CAB39L: variants seen among roughly 807,000 people sequenced by gnomAD.
CAB39L encodes calcium-binding protein 39-like.
Under a neutral mutation model 39.1 loss-of-function variants are expected in CAB39L, and 23 were observed. The ratio of observed to expected loss-of-function variants is 0.59; its 90% CI spans 0.42 to 0.83. CAB39L has a LOEUF of 0.83. Among genes scored for constraint, CAB39L ranks in the 40% least tolerant of loss-of-function variants. The pLI is 0.00. For missense variants in CAB39L, 366 were observed against 391.9 expected (o/e 0.93, Z 0.56); for synonymous variants, 126 against 137.2 (o/e 0.92, Z 0.57).
intron 5 of CAB39L, among the ~76,000 whole-genome samples, chr13:49,363,030 T>G (rs1356847184): frequency 6.6e-6 from 1 of 152,174 alleles, no homozygotes; most frequent in African/African-American, 2.4e-5. Flanking sequence ...AATTAAAGAC[T>G]TTCCCAGACA....
chr13:49,349,276 T>C (rs1242876491), intron 7 of CAB39L, among the ~76,000 whole-genome samples: 2 of 151,994 alleles, frequency 1.3e-5, no homozygotes, highest in African/African-American at 4.8e-5. Flanking sequence ...TCGATATTAT[T>C]GAAATACATA....
chr13:49,411,670 G>A (rs1172691068), intron 3 of CAB39L, among the ~76,000 whole-genome samples: 2 of 152,088 alleles, frequency 1.3e-5, no homozygotes, highest in Non-Finnish European at 2.9e-5. Flanking sequence ...TTTTAAAAGT[G>A]TTGCATGGTT....
chr13:49,440,974 G>C (rs1050294610), intron 1 of CAB39L, among the ~76,000 whole-genome samples: 4 of 151,862 alleles, frequency 2.6e-5, no homozygotes, highest in African/African-American at 9.7e-5. Context: ...CTATGTGGAT[G>C]CCTTTTGTTT....
intron 5 of CAB39L, among the ~76,000 whole-genome samples, chr13:49,372,542 T>C (rs2138549227): frequency 6.6e-6 from 1 of 152,312 alleles, no homozygotes; most frequent in East Asian, 1.9e-4. Context: ...TCCAAACCCC[T>C]GCTCCCAGCG....
At chr13:49,370,780 T>G (rs1955897448) in intron 5 of CAB39L, among the ~76,000 whole-genome samples, 1 of 152,216 alleles carries the variant, frequency 6.6e-6, no homozygotes, top group Non-Finnish European at 1.5e-5. Context: ...ATTAACAGGT[T>G]TCACATCTAA....
intron 5 of CAB39L, among the ~76,000 whole-genome samples, chr13:49,369,508 A>G (rs2138536934): frequency 6.6e-6 from 1 of 152,346 alleles, no homozygotes; most frequent in African/African-American, 2.4e-5. Flanking sequence ...TGCAATGGTG[A>G]AAATATAAGG....
intron 3 of CAB39L, chr13:49,413,121 AAAACAAAAC>A (rs1957024397): frequency 6.6e-6 from 1 of 152,240 alleles, no homozygotes; most frequent in African/African-American, 2.4e-5. Flanking sequence ...AAAACAAAAC[AAAACAAAAC>A]AAAAAACCTT....
At chr13:49,400,258 A>T (rs184369600) in intron 3 of CAB39L, among the ~76,000 whole-genome samples, 267 of 152,208 alleles carry the variant, frequency 1.8e-3, no homozygotes, top group African/African-American at 6.2e-3. Flanking sequence ...TTTCACAGTT[A>T]ACAACATACA....
chr13:49,436,335 G>T (rs1387115803), intron 1 of CAB39L, among the ~76,000 whole-genome samples: 1 of 152,084 alleles, frequency 6.6e-6, no homozygotes, highest in African/African-American at 2.4e-5. Context: ...TGTTTTCATG[G>T]ATTGAAACTT....
At chr13:49,407,808 G>A (rs1956911836) in intron 3 of CAB39L, among the ~76,000 whole-genome samples, 1 of 144,622 alleles carries the variant, frequency 6.9e-6, no homozygotes, top group South Asian at 2.1e-4. Context: ...CAGGTGGATT[G>A]CTTGAGCCCA....
At chr13:49,428,516 C>T (rs1334624531) in intron 3 of CAB39L, among the ~76,000 whole-genome samples, 1 of 152,124 alleles carries the variant, frequency 6.6e-6, no homozygotes, top group Non-Finnish European at 1.5e-5. Context: ...GCGCAAATAC[C>T]AGCAGGTGGT....
chr13:49,312,389 A>G (rs945102504), intron 10 of CAB39L, among the ~76,000 whole-genome samples: 3 of 152,142 alleles, frequency 2.0e-5, no homozygotes, highest in Non-Finnish European at 4.4e-5. Context: ...TTCCCTATAC[A>G]GGTGTACCAT....
chr13:49,316,313 C>T (rs1954156604), intron 10 of CAB39L, among the ~76,000 whole-genome samples: 1 of 152,092 alleles, frequency 6.6e-6, no homozygotes, highest in Non-Finnish European at 1.5e-5. Context: ...ATCTGCAGAC[C>T]TCTGACAAGA....
At chr13:49,322,776 C>A (rs1253399143) in intron 10 of CAB39L, among the ~76,000 whole-genome samples, 1 of 152,176 alleles carries the variant, frequency 6.6e-6, no homozygotes, top group Admixed American at 6.5e-5. Flanking sequence ...TCTTGGCAAA[C>A]AAGAATTGAT....
At chr13:49,327,281 T>G (rs949067057) in intron 10 of CAB39L, among the ~76,000 whole-genome samples, 5 of 152,158 alleles carry the variant, frequency 3.3e-5, no homozygotes, top group African/African-American at 1.2e-4. Context: ...GAATTTGGCA[T>G]TTGGCATTCC....
intron 8 of CAB39L, among the ~76,000 whole-genome samples, chr13:49,340,147 T>G (rs1387405207): frequency 6.6e-6 from 1 of 152,200 alleles, no homozygotes; most frequent in Non-Finnish European, 1.5e-5. Context: ...ATCAGACTGT[T>G]CAATTCACTG....
At chr13:49,329,509 A>C (rs1954605619) in intron 10 of CAB39L, among the ~76,000 whole-genome samples, 1 of 134,778 alleles carries the variant, frequency 7.4e-6, no homozygotes, top group African/African-American at 2.7e-5. Flanking sequence ...CTTTCCCCAT[A>C]CCTTGTCCTA....
chr13:49,405,693 G>GAAAT (rs1956855613), intron 3 of CAB39L, among the ~76,000 whole-genome samples: 1 of 72,730 alleles, frequency 1.4e-5, no homozygotes, highest in African/African-American at 4.8e-5. Context: ...AGACCCTGCT[G>GAAAT]AAAGAAAGAA....
chr13:49,313,288 T>C (rs893476576), intron 10 of CAB39L, among the ~76,000 whole-genome samples: 13 of 152,068 alleles, frequency 8.5e-5, no homozygotes, highest in Non-Finnish European at 1.8e-4. Context: ...GAGACCATCC[T>C]GGCTAACACG....
Sources: gnomAD v4.1 joint callset for allele counts (sites outside exome capture counted in the v4.1 genomes callset) on GRCh38, gnomAD v4.1.1 for gene constraint, MANE v1.5 for transcripts, NCBI Gene and HGNC (gene_info 2026-07-23, HGNC 2026-07-21) for gene names.